The following DDX10 variants were observed in gnomAD, a reference collection of about 807,000 sequenced individuals.
The protein encoded by DDX10 is DEAD-box helicase 10.
DDX10 carries 74 observed loss-of-function variants against 104.3 expected under a neutral mutation model. The ratio of observed to expected loss-of-function variants is 0.71; its 90% CI spans 0.59 to 0.86. The LOEUF (loss-of-function observed/expected upper bound fraction) is 0.86, where lower values mean the gene tolerates loss of function less well. Ranked by LOEUF, DDX10 falls within the 40% of genes least tolerant of loss-of-function variation. The probability of loss-of-function intolerance (pLI) is 0.00; values close to 1 mark genes in which losing one functional copy is unlikely to be tolerated. For synonymous variants in DDX10, 351 were observed against 353.4 expected, an observed-to-expected ratio of 0.99 and a Z score of 0.08; for missense variants, 952 against 1,040.0, an observed-to-expected ratio of 0.92 and a Z score of 1.16.
chr11:108,908,102 GA>G, intron 16 of DDX10, among the ~76,000 whole-genome samples: 1 of 152,106 alleles, frequency 6.6e-6, no homozygotes, highest in African/African-American at 2.4e-5. Context: ...TCATAATTCA[GA>G]AAAAATTTTA....
chr11:108,832,667 A>T (rs527436020), intron 13 of DDX10, among the ~76,000 whole-genome samples: 2 of 152,248 alleles, frequency 1.3e-5, no homozygotes, highest in South Asian at 4.1e-4. Flanking sequence ...TTAGCTGCAG[A>T]TGCAGTAAAT....
chr11:108,841,360 G>A lies in DDX10; in HGVS notation c.2131G>A (p.Ala711Thr), dbSNP rs201526911. ...PQMQKSAIKD[A>T]EEDDDTGGIN... ...AATGCAGAAATCTGCCATCAAGGAT[G>A]CTGAGGAAGATGATGACACAGGTGG... Residue 711 changes from alanine to threonine, a missense_variant, in exon 15 of 18, where the codon GCT (alanine) becomes ACT (threonine). Ala to Thr is a moderately conservative substitution (Grantham distance 58). This residue lies in a region of DDX10 where 533 missense variants were observed against 534.1 expected (regional missense o/e 1.00). Coordinates refer to ENST00000322536, the MANE Select transcript of DDX10 (RefSeq NM_004398.4). 4 of 1,613,682 alleles carry A rather than the reference G, an allele frequency of 2.5e-6. No homozygotes were observed. The highest frequency in any genetic ancestry group is 1.1e-5 in the South Asian group (1 of 91,044).
At chr11:108,712,987 T>C (rs2094286497) in intron 10 of DDX10, among the ~76,000 whole-genome samples, 1 of 152,162 alleles carries the variant, frequency 6.6e-6, no homozygotes, top group African/African-American at 2.4e-5. Flanking sequence ...AAATATTTCA[T>C]TTCACTCTCT....
At chr11:108,917,851 T>A (rs767987657) in intron 16 of DDX10, 22 bp from the exon 17 acceptor site, 2 of 1,606,416 alleles carry the variant, frequency 1.2e-6, no homozygotes, top group South Asian at 2.2e-5. Context: ...CAACTGCAGT[T>A]TCCCTTATTA....
intron 16 of DDX10, among the ~76,000 whole-genome samples, chr11:108,863,463 C>CAA (rs1862966453): frequency 6.6e-6 from 1 of 151,966 alleles, no homozygotes; most frequent in South Asian, 2.1e-4. Flanking sequence ...ATTAGTTTTC[C>CAA]CCCTTACTAC....
intron 10 of DDX10, among the ~76,000 whole-genome samples, chr11:108,709,288 C>A (rs1336484825): frequency 6.6e-6 from 1 of 152,116 alleles, no homozygotes; most frequent in East Asian, 1.9e-4. Context: ...GTTTTTTCTC[C>A]CCTGTAGTGG....
At chr11:108,719,650 A>G (rs2094295825) in intron 11 of DDX10, 147 bp from the exon 12 acceptor site, 1 of 510,506 alleles carries the variant, frequency 2.0e-6, no homozygotes, top group East Asian at 3.3e-5. Context: ...GTAGGTTTTC[A>G]TGTGTGCATG....
intron 14 of DDX10, among the ~76,000 whole-genome samples, chr11:108,839,146 A>G (rs898375106): frequency 2.0e-5 from 3 of 152,202 alleles, no homozygotes; most frequent in Admixed American, 6.5e-5. Flanking sequence ...CTATTATGTA[A>G]CAGTTGTCTT....
At position 108,764,799 on chromosome 11, in the gene DDX10, T is replaced by C. The variant is rs114485107; in HGVS notation, c.1965+41337T>C. On this transcript the variant is annotated intron_variant, in intron 13 of 17. Transcript: ENST00000322536. ...AGCATTACTTTCTTTGATTTTTGTC[T>C]CTTAAAAACCTGTAAAGATTTGAGA... Among the ~76,000 whole-genome samples the C allele has an allele frequency of 3.2e-3, 493 of 152,340 alleles. 2 individuals are homozygous for C. The highest frequency in any genetic ancestry group is 0.011 in the African/African-American group (475 of 41,592).
Position 108,791,986 on chromosome 11 carries a change from G to T in DDX10, c.1966-46460G>T, listed in dbSNP as rs571595032. Reference sequence around the variant, plus strand: ...TTAAAAAAATATAGTTATTCGAGTGGCTACAAAGGCTTATCTCATTGGTGT... The same window carrying T: ...TTAAAAAAATATAGTTATTCGAGTGTCTACAAAGGCTTATCTCATTGGTGT... On this transcript the variant is annotated intron_variant, in intron 13 of 17. Coordinates refer to ENST00000322536, the MANE Select transcript of DDX10 (RefSeq NM_004398.4). Among the ~76,000 whole-genome samples the T allele has an allele frequency of 7.2e-5, 11 of 152,220 alleles. No individual in the cohort carries two copies. In the South Asian group the frequency reaches 2.3e-3, roughly 32 times the overall value.
chr11:108,798,495 T>C (rs553856004), intron 13 of DDX10, among the ~76,000 whole-genome samples: 1 of 152,350 alleles, frequency 6.6e-6, no homozygotes, highest in East Asian at 1.9e-4. Flanking sequence ...TTCTGCTTTC[T>C]GTTTCTATGA....
chr11:108,739,473 T>C (rs2094322504), intron 13 of DDX10, among the ~76,000 whole-genome samples: 1 of 152,224 alleles, frequency 6.6e-6, no homozygotes, highest in Admixed American at 6.5e-5. Flanking sequence ...TTTCCCACTA[T>C]ACTGTATACT....
At chr11:108,863,005 G>C (rs1215354961) in intron 16 of DDX10, among the ~76,000 whole-genome samples, 3 of 152,186 alleles carry the variant, frequency 2.0e-5, no homozygotes, top group African/African-American at 7.2e-5. Context: ...ATAAAGAAGT[G>C]ACTATCTTCC....
At chr11:108,910,779 GTGTGTGTGTGTCTGTGTGTGTC>G (rs1382043997) in intron 16 of DDX10, among the ~76,000 whole-genome samples, 2 of 133,718 alleles carry the variant, frequency 1.5e-5, no homozygotes, top group African/African-American at 5.8e-5. Context: ...GTGTGTGTGT[GTGTGTGTGTGTCTGTGTGTGTC>G]TGTGTCTGTG....
At chr11:108,879,168 AT>A (rs1408191026) in intron 16 of DDX10, among the ~76,000 whole-genome samples, 8 of 152,088 alleles carry the variant, frequency 5.3e-5, no homozygotes, top group African/African-American at 1.7e-4. Flanking sequence ...CACCCGGCTA[AT>A]TTTTTGTAAT....
intron 13 of DDX10, among the ~76,000 whole-genome samples, chr11:108,756,769 C>A (rs2094344909): frequency 6.6e-6 from 1 of 151,972 alleles, no homozygotes. Flanking sequence ...GTCTGTGTTC[C>A]TTGATGGTTC....
At chr11:108,857,756 A>G (rs1042391486) in intron 16 of DDX10, among the ~76,000 whole-genome samples, 1 of 152,264 alleles carries the variant, frequency 6.6e-6, no homozygotes, top group African/African-American at 2.4e-5. Context: ...AATCTGCTTT[A>G]TATGACGCTG....
chr11:108,679,664 G>C, intron 6 of DDX10, 104 bp downstream of exon 6: 1 of 826,276 alleles, frequency 1.2e-6, no homozygotes, highest in East Asian at 2.8e-5. Flanking sequence ...CATTCTATGA[G>C]TTATTGGTTA....
chr11:108,762,247 T>A (rs1400808455), intron 13 of DDX10, among the ~76,000 whole-genome samples: 3 of 152,184 alleles, frequency 2.0e-5, no homozygotes, highest in Admixed American at 2.0e-4. Context: ...CAGAAATAGA[T>A]AAGCGGCCCC....
Sources: allele counts gnomAD v4.1 joint callset (sites outside exome capture counted in the v4.1 genomes callset), GRCh38; gene constraint gnomAD v4.1.1; regional missense constraint gnomAD v4.1.1; transcripts MANE v1.5; gene names NCBI Gene and HGNC (gene_info 2026-07-23, HGNC 2026-07-21).